Variants in TECTA observed in about 807,000 individuals in gnomAD.
The protein encoded by TECTA is alpha-tectorin.
Under a neutral mutation model 216.8 loss-of-function variants are expected in TECTA, and 128 were observed. The ratio of observed to expected loss-of-function variants is 0.59; its 90% CI spans 0.51 to 0.68. The LOEUF is 0.68. Ranked by LOEUF, TECTA falls within the 30% of genes least tolerant of loss-of-function variation. The pLI is 0.00. For synonymous variants in TECTA, 1,089 were observed against 1,117.1 expected, an observed-to-expected ratio of 0.97 and a Z score of 0.50; for missense variants, 2,551 against 2,786.2, an observed-to-expected ratio of 0.92 and a Z score of 1.90.
In TECTA at chr11:121,128,211, A is replaced by G; in HGVS notation, c.2234A>G (p.Glu745Gly). ...TACACCCTCCTGAAGACCTGCCCTG[A>G]GCGCCCAGAGTACTTGGAAATCGAC... ...FSYTLLKTCP[E>G]RPEYLEIDIN... is the part of the protein sequence containing the mutation. Residue 745 changes from glutamate (E) to glycine (G), a missense_variant, in exon 9 of 24, where the codon GAG (glutamate) becomes GGG (glycine). Around this residue, in one of 3 missense-constraint regions of TECTA, gnomAD observed 2,375 missense variants for 2,563.9 expected, o/e 0.93. Transcript: ENST00000392793. 6.2e-7 allele frequency: 1 copy of G among 1,604,384 alleles called. No individual in the cohort carries two copies. Among genetic ancestry groups the G allele is most frequent in the East Asian group, 2.2e-5 (1 of 44,870 alleles).
intron 3 of TECTA, among the ~76,000 whole-genome samples, chr11:121,107,047 T>C (rs899643081): frequency 6.6e-6 from 1 of 152,262 alleles, no homozygotes; most frequent in Non-Finnish European, 1.5e-5. Context: ...CAGCTTCCTC[T>C]GCCAGTCTGT....
chr11:121,143,417 C>T (rs562748222), intron 11 of TECTA, among the ~76,000 whole-genome samples: 2 of 152,350 alleles, frequency 1.3e-5, no homozygotes, highest in East Asian at 1.9e-4. Flanking sequence ...GACTAGCCAA[C>T]CCCTCCTCCT....
intron 16 of TECTA, 51 bp from the exon 17 acceptor site, chr11:121,165,222 T>A (rs1318559418): frequency 6.6e-7 from 1 of 1,506,740 alleles, no homozygotes; most frequent in Non-Finnish European, 9.0e-7. Flanking sequence ...AGCTACCGCA[T>A]GTAGGTGTGA....
intron 13 of TECTA, among the ~76,000 whole-genome samples, chr11:121,156,318 G>T (rs528260112): frequency 6.6e-6 from 1 of 152,118 alleles, no homozygotes; most frequent in Admixed American, 6.5e-5. Flanking sequence ...GGGACTACAG[G>T]CATGCACTAC....
rs370626328 is a variant in TECTA, at chr11:121,113,040, A to G, written c.487-32A>G. ...GGGGCCAGGACCTCCTGGGGAGTGCAAGTCATGAGACTGCGCATTCCCATC... is the reference window on the plus strand; with the variant it reads ...GGGGCCAGGACCTCCTGGGGAGTGCGAGTCATGAGACTGCGCATTCCCATC... On this transcript the variant is annotated intron_variant, in intron 4 of 23. Coordinates refer to ENST00000392793, the MANE Select transcript of TECTA (RefSeq NM_005422.4). This position sits in a 1 kb window ranked among gnomAD's most constrained non-coding sequence, Gnocchi z 4.2. The G allele has an allele frequency of 5.6e-6, 9 of 1,613,714 alleles. No individual in the cohort carries two copies. Among genetic ancestry groups the G allele is most frequent in the African/African-American group, 1.3e-5 (1 of 75,036 alleles).
At chr11:121,108,159 T>A (rs1167056881) in intron 3 of TECTA, among the ~76,000 whole-genome samples, 2 of 152,112 alleles carry the variant, frequency 1.3e-5, no homozygotes, top group African/African-American at 4.8e-5. Flanking sequence ...TTTTCAAATT[T>A]AACTTTACTT....
intron 11 of TECTA, among the ~76,000 whole-genome samples, chr11:121,144,351 G>A (rs1946814133): frequency 6.6e-6 from 1 of 152,136 alleles, no homozygotes; most frequent in Admixed American, 6.5e-5. Context: ...GGGGCCAGGG[G>A]GACAAGTTAG....
intron 21 of TECTA, among the ~76,000 whole-genome samples, chr11:121,188,782 A>C (rs1381605169): frequency 6.6e-6 from 1 of 152,254 alleles, no homozygotes; most frequent in Non-Finnish European, 1.5e-5. Context: ...CAGCAATCCT[A>C]TTCCTGGGCA....
chr11:121,101,829 C>T (rs937680247), intron 1 of TECTA, among the ~76,000 whole-genome samples: 3 of 152,190 alleles, frequency 2.0e-5, no homozygotes, highest in East Asian at 3.8e-4. Context: ...CTTGAGCTTG[C>T]GTCCGTGTTC....
chr11:121,118,516 A>G lies in TECTA; in HGVS notation c.1001A>G (p.Asp334Gly). ...GGGGAGCCACACTACCACACTTTTGACGGCTTCCTCTTCCACTTCCAAGGC... is the reference window on the plus strand; with the variant it reads ...GGGGAGCCACACTACCACACTTTTGGCGGCTTCCTCTTCCACTTCCAAGGC... ...VFGEPHYHTF[D>G]GFLFHFQGSC... The change falls in exon 7 of 24, where the codon GAC becomes GGC. Residue 334 changes from aspartate (D) to glycine (G), a missense_variant. This residue lies in a region of TECTA where 2,375 missense variants were observed against 2,563.9 expected (regional missense o/e 0.93). Coordinates refer to ENST00000392793, the MANE Select transcript of TECTA (RefSeq NM_005422.4). 3 of 1,614,076 alleles carry G rather than the reference A, an allele frequency of 1.9e-6. No individual in the cohort carries two copies. Among genetic ancestry groups the G allele is most frequent in the Non-Finnish European group, 2.5e-6 (3 of 1,180,014 alleles).
Position 121,189,812 on chromosome 11 carries a change from G to A in TECTA, c.6299G>A (p.Ser2100Asn), listed in dbSNP as rs1947324349. The A allele has an allele frequency of 6.2e-7, 1 of 1,614,022 alleles. No homozygotes were observed. The highest frequency in any genetic ancestry group is 8.5e-7 in the Non-Finnish European group (1 of 1,180,000). Residue 2100 changes from serine to asparagine, a missense_variant, in exon 23 of 24, where the codon AGC becomes AAC. Physicochemically the swap from Ser to Asn is conservative, Grantham distance 46. Transcript: ENST00000392793. The stretch of plus-strand genomic sequence containing the variant: ...GGAGGGTGTGAGCAGATTTGCACGA[G>A]CCGGGTGGATGGGCCTCTCTGCAGC... ...DNGGCEQICT[S>N]RVDGPLCSCV...
chr11:121,183,910 C>T (rs11218191), intron 20 of TECTA, among the ~76,000 whole-genome samples: 18,929 of 152,100 alleles, frequency 0.12, 1,600 homozygotes, highest in South Asian at 0.33. Context: ...ACCTCAGCCT[C>T]CTGAGTAGCT....
Position 121,137,545 on chromosome 11 carries a change from C to T in TECTA, c.3066C>T (p.Gly1022=). 6.2e-7 allele frequency: 1 copy of T among 1,613,956 alleles called. No individual in the cohort carries two copies. The highest frequency in any genetic ancestry group is 8.5e-7 in the Non-Finnish European group (1 of 1,179,994). The change falls in exon 11 of 24, where the codon GGC becomes GGT. Residue 1022 remains glycine, a synonymous_variant. Transcript: ENST00000392793. ...SCSEGCQCDE[G]YALLGSQCVT... is the part of the protein sequence containing the mutation. ...CTGAGGGATGTCAGTGTGATGAGGG[C>T]TATGCTCTACTGGGCAGCCAGTGTG...
intron 6 of TECTA, among the ~76,000 whole-genome samples, chr11:121,116,511 A>G (rs1232484293): frequency 6.6e-6 from 1 of 152,216 alleles, no homozygotes; most frequent in East Asian, 1.9e-4. Flanking sequence ...AGCTGTGTAC[A>G]CAGTCTCCAC....
chr11:121,166,479 T>G, intron 17 of TECTA, 99 bp from the exon 18 acceptor site: 1 of 1,230,624 alleles, frequency 8.1e-7, no homozygotes, highest in Non-Finnish European at 1.2e-6. Flanking sequence ...GGAGGTCATT[T>G]GCCTCTTCTA....
At chr11:121,186,691 G>A (rs1297439558) in intron 20 of TECTA, among the ~76,000 whole-genome samples, 8 of 152,258 alleles carry the variant, frequency 5.3e-5, no homozygotes, top group Non-Finnish European at 1.5e-5. Flanking sequence ...ATTTTGCCTA[G>A]AAGGCTAATT....
chr11:121,120,483 G>C (rs775676611), intron 7 of TECTA, among the ~76,000 whole-genome samples: 1 of 152,202 alleles, frequency 6.6e-6, no homozygotes. Context: ...GAGAGGGCTG[G>C]GAAGCAGGAA....
In TECTA at chr11:121,168,887, T is replaced by G. The variant is rs1011820794; in HGVS notation, c.5961T>G (p.Asp1987Glu). The change falls in exon 20 of 24, where the codon GAT (aspartate) becomes GAG (glutamate). Residue 1987 changes from aspartate to glutamate, a missense_variant. Asp to Glu is a conservative substitution (Grantham distance 45, BLOSUM62 2). This residue lies in a region of TECTA where 58 missense variants were observed against 105.9 expected (regional missense o/e 0.55). Transcript: ENST00000392793. ...AATGCTATGCCACACCCACCCGAGA[T>G]AGCAATGATAAGCTCCGATATTTCA... The part of the protein sequence containing the change: ...LNKCYATPTR[D>E]SNDKLRYFII... The G allele has an allele frequency of 3.7e-6, 6 of 1,613,896 alleles. No individual in the cohort carries two copies. The African/African-American group carries it at 8.0e-5, about 22-fold the overall frequency.
At chr11:121,148,012 G>A (rs1226200465) in intron 12 of TECTA, among the ~76,000 whole-genome samples, 2 of 152,140 alleles carry the variant, frequency 1.3e-5, no homozygotes, top group Non-Finnish European at 2.9e-5. Context: ...AGCTTGGCTA[G>A]GGACAAAGAG....
Sources: allele counts gnomAD v4.1 joint callset (sites outside exome capture counted in the v4.1 genomes callset), GRCh38; gene constraint gnomAD v4.1.1; regional missense constraint gnomAD v4.1.1; non-coding constraint Gnocchi (gnomAD v3.1); transcripts MANE v1.5; gene names NCBI Gene and HGNC (gene_info 2026-07-23, HGNC 2026-07-21).